Variants in RTTN observed in about 807,000 individuals in gnomAD.
The protein encoded by RTTN is rotatin.
Under a neutral mutation model 269.2 loss-of-function variants are expected in RTTN, and 182 were observed. That is an observed-to-expected ratio of 0.68 (90% CI 0.60 to 0.76). The LOEUF (loss-of-function observed/expected upper bound fraction) is 0.76. RTTN is among the 30% of genes least tolerant of loss of function. The pLI, the probability that RTTN is intolerant of heterozygous loss-of-function variation, is 0.00. For missense variants in RTTN, 2,545 were observed against 2,608.6 expected (o/e 0.98, Z 0.53); for synonymous variants, 1,006 against 963.5 (o/e 1.04, Z -0.82).
At chr18:70,104,879 C>G (rs955351201) in intron 28 of RTTN, among the ~76,000 whole-genome samples, 1 of 152,058 alleles carries the variant, frequency 6.6e-6, no homozygotes, top group African/African-American at 2.4e-5. Context: ...AGAGGGGCAC[C>G]CGGCTGTATG....
intron 17 of RTTN, among the ~76,000 whole-genome samples, chr18:70,148,034 T>G (rs188352397): frequency 6.6e-6 from 1 of 152,176 alleles, no homozygotes; most frequent in Non-Finnish European, 1.5e-5. Flanking sequence ...AAGACTATAA[T>G]TTTCCTCCTT....
chr18:70,035,605 G>A (rs1166914248), intron 40 of RTTN, among the ~76,000 whole-genome samples: 5 of 152,022 alleles, frequency 3.3e-5, no homozygotes, highest in Non-Finnish European at 1.5e-5. Context: ...CTATTAAAAC[G>A]CTGGAAGACA....
At chr18:70,131,088 C>T (rs2059985893) in intron 23 of RTTN, 1 of 150,774 alleles carries the variant, frequency 6.6e-6, no homozygotes, top group Admixed American at 6.6e-5. Context: ...CTCCAACTGC[C>T]AACCTAGAAT....
chr18:70,027,732 G>C (rs2056894468), intron 43 of RTTN, among the ~76,000 whole-genome samples: 1 of 152,052 alleles, frequency 6.6e-6, no homozygotes. Context: ...CTTTTGTCTT[G>C]AGAAAAAGTT....
At chr18:70,143,060 T>C (rs1213106004) in intron 18 of RTTN, among the ~76,000 whole-genome samples, 1 of 152,096 alleles carries the variant, frequency 6.6e-6, no homozygotes, top group Middle Eastern at 3.2e-3. Flanking sequence ...TTCTGACTGG[T>C]GTGAGATGGT....
intron 27 of RTTN, among the ~76,000 whole-genome samples, chr18:70,114,089 T>A (rs956418933): frequency 1.3e-5 from 2 of 152,188 alleles, no homozygotes; most frequent in Non-Finnish European, 2.9e-5. Context: ...TAACTAGAGA[T>A]ATGTATTTGA....
chr18:70,086,784 A>C, intron 31 of RTTN, 100 bp from the exon 32 acceptor site: 3 of 1,085,936 alleles, frequency 2.8e-6, no homozygotes, highest in Non-Finnish European at 4.0e-6. Context: ...ATATATTGTA[A>C]TTAATAGCAA....
intron 18 of RTTN, among the ~76,000 whole-genome samples, chr18:70,142,963 G>A (rs964115160): frequency 5.9e-5 from 9 of 152,152 alleles, no homozygotes; most frequent in Middle Eastern, 3.4e-3. Flanking sequence ...AGGCGGAGGC[G>A]GCAGTGATCC....
At chr18:70,012,979 C>T (rs1029871953) in intron 46 of RTTN, among the ~76,000 whole-genome samples, 4 of 152,158 alleles carry the variant, frequency 2.6e-5, no homozygotes, top group African/African-American at 7.2e-5. Flanking sequence ...AAGCTGCTCC[C>T]TAAAGTGAAC....
Position 70,092,660 on chromosome 18 carries a change from G to A in RTTN, c.4032+16C>T. ...CAAGCAAATGTTCAGAAGATAGACA[G>A]CTTTAACGCGCTCACCAAGCTCCCA... On this transcript the variant is annotated intron_variant, in intron 29 of 48. Transcript: ENST00000640769. 1 of 1,610,412 alleles carries A rather than the reference G, an allele frequency of 6.2e-7. No individual in the cohort carries two copies. Among genetic ancestry groups the A allele is most frequent in the Non-Finnish European group, 8.5e-7 (1 of 1,177,368 alleles).
chr18:70,205,520 A>G (rs2062056245), intron 1 of RTTN, 108 bp downstream of exon 1: 1 of 1,474,622 alleles, frequency 6.8e-7, no homozygotes, highest in Non-Finnish European at 9.5e-7. Context: ...CGGGGGTGAA[A>G]GAGGGAGCGG....
chr18:70,150,329 T>C (rs1568467286), intron 15 of RTTN, among the ~76,000 whole-genome samples: 1 of 152,218 alleles, frequency 6.6e-6, no homozygotes, highest in African/African-American at 2.4e-5. Flanking sequence ...ACTGAAATAA[T>C]CTGCTTACTA....
intron 21 of RTTN, among the ~76,000 whole-genome samples, chr18:70,135,617 T>A (rs1034996381): frequency 6.6e-6 from 1 of 152,190 alleles, no homozygotes; most frequent in African/African-American, 2.4e-5. Flanking sequence ...AGAAACAAAC[T>A]GATACAGCCT....
rs201165599 is a variant in RTTN, at chr18:70,205,640, T to C, written c.19A>G (p.Ile7Val). The change falls in exon 1 of 49, where the codon ATC becomes GTC. Residue 7 changes from isoleucine to valine, a missense_variant. Transcript: ENST00000640769. ...AGCTGACAGTTACCGAGTTTCCTGA[T>C]GAGCCCTGCCAGGACCATCTCGTCC... MVLAGL[I>V]RKLGHQLAEI... 348 of 1,613,986 alleles carry C rather than the reference T, an allele frequency of 2.2e-4. No homozygotes were observed. Among genetic ancestry groups the C allele is most frequent in the Non-Finnish European group, 2.6e-4 (312 of 1,180,034 alleles).
intron 40 of RTTN, among the ~76,000 whole-genome samples, chr18:70,043,474 T>C (rs2057403032): frequency 6.6e-6 from 1 of 152,048 alleles, no homozygotes; most frequent in African/African-American, 2.4e-5. Context: ...TCATTTTCCA[T>C]AGTAGGAATT....
At chr18:70,004,426 T>A (rs1178555193) in intron 48 of RTTN, among the ~76,000 whole-genome samples, 190 bp from the exon 49 acceptor site, 5 of 152,110 alleles carry the variant, frequency 3.3e-5, no homozygotes, top group Admixed American at 2.6e-4. Context: ...AAATCAATAT[T>A]TTTTTAAATT....
intron 28 of RTTN, among the ~76,000 whole-genome samples, chr18:70,094,296 G>A (rs926606257): frequency 6.6e-5 from 10 of 151,718 alleles, no homozygotes; most frequent in South Asian, 4.2e-4. Context: ...GTCTCTTGTC[G>A]CCTTCAGTTC....
chr18:70,200,698 T>C (rs568714153), intron 4 of RTTN, among the ~76,000 whole-genome samples: 5 of 152,238 alleles, frequency 3.3e-5, no homozygotes, highest in Admixed American at 3.3e-4. Context: ...TCAGCAGATA[T>C]ACTCTTGAAC....
Position 70,133,792 on chromosome 18 carries a change from C to T in RTTN, c.2954+681G>A, listed in dbSNP as rs117053254. ...TCAATCTGTGTGAGATAAATAAGTA[C>T]GTTTACTCAGAAAAATTCAAGGGCT... On this transcript the variant is annotated intron_variant, in intron 23 of 48. Transcript: ENST00000640769. 1.3e-4 allele frequency among the ~76,000 whole-genome samples: 20 copies of T among 152,148 alleles called. No homozygotes were observed. The East Asian group carries it at 3.5e-3, about 26-fold the overall frequency.
Sources: allele counts gnomAD v4.1 joint callset (sites outside exome capture counted in the v4.1 genomes callset), GRCh38; gene constraint gnomAD v4.1.1; transcripts MANE v1.5; gene names NCBI Gene and HGNC (gene_info 2026-07-23, HGNC 2026-07-21).